The following STK32B variants were observed in gnomAD, a reference collection of about 807,000 sequenced individuals.
The protein encoded by STK32B is serine/threonine-protein kinase 32B.
In STK32B, 43 loss-of-function variants were observed where a neutral mutation model predicts 52.6. That is an observed-to-expected ratio of 0.82 (90% CI 0.64 to 1.05). The LOEUF (loss-of-function observed/expected upper bound fraction) is 1.05. Among genes scored for constraint, STK32B ranks in the 50% least tolerant of loss-of-function variants. The probability of loss-of-function intolerance (pLI) is 0.00; values close to 1 mark genes in which losing one functional copy is unlikely to be tolerated. For synonymous variants in STK32B, 238 were observed against 204.3 expected, an observed-to-expected ratio of 1.17 and a Z score of -1.41; for missense variants, 621 against 534.6, an observed-to-expected ratio of 1.16 and a Z score of -1.59.
the STK32B span, among the ~76,000 whole-genome samples, chr4:5,037,715 G>A: frequency 3.9e-5 from 6 of 152,194 alleles, no homozygotes; most frequent in Non-Finnish European, 8.8e-5. Flanking sequence ...TCTAGATAGT[G>A]GCTCTGGGGA....
chr4:5,253,885 G>A (rs1437383637), intron 3 of STK32B, among the ~76,000 whole-genome samples: 2 of 152,230 alleles, frequency 1.3e-5, no homozygotes, highest in Admixed American at 6.5e-5. Context: ...AATAATGTAT[G>A]TAAAGTGCCA....
At chr4:5,281,153 A>AACTC (rs76907848) in intron 3 of STK32B, among the ~76,000 whole-genome samples, 20,266 of 151,828 alleles carry the variant, frequency 0.13, 3,090 homozygotes, top group African/African-American at 0.37. Context: ...ATCTCATGAG[A>AACTC]ACTCACTATC....
chr4:5,153,467 CTT>C (rs199700770), intron 2 of STK32B, among the ~76,000 whole-genome samples: 5 of 142,264 alleles, frequency 3.5e-5, no homozygotes, highest in Admixed American at 7.0e-5. Context: ...TTTTTCTTTC[CTT>C]TTTTTTTTTT....
intron 7 of STK32B, among the ~76,000 whole-genome samples, chr4:5,450,403 C>G (rs1023797801): frequency 2.6e-4 from 39 of 151,806 alleles, no homozygotes; most frequent in African/African-American, 9.3e-4. Context: ...CTCAAAGTCT[C>G]TCTGACAGGT....
chr4:5,288,511 T>C (rs1319099562), intron 3 of STK32B, among the ~76,000 whole-genome samples: 1 of 152,118 alleles, frequency 6.6e-6, no homozygotes, highest in Non-Finnish European at 1.5e-5. Context: ...TTTTCATGGG[T>C]TTTTTGGTTA....
rs545594801 is a variant in STK32B at position 5,306,758 on chromosome 4, A to G, written c.261-24462A>G. ...CCTGTGACATTTATGCTTTAAGGAG[A>G]TTCCATTTTGGTGTATTTTGAGGAT... On this transcript the variant is annotated intron_variant, in intron 3 of 11. Coordinates refer to ENST00000282908, the MANE Select transcript of STK32B (RefSeq NM_018401.3). 2.6e-5 allele frequency among the ~76,000 whole-genome samples: 4 copies of G among 152,162 alleles called. No homozygotes were observed. In the South Asian group the frequency reaches 8.3e-4, roughly 32 times the overall value.
chr4:5,427,064 A>G (rs1713168123), intron 6 of STK32B: 1 of 152,222 alleles, frequency 6.6e-6, no homozygotes, highest in Admixed American at 6.5e-5. Context: ...AAGGTGAAGA[A>G]GTTCCCTTCT....
chr4:5,449,482 A>G (rs555892866), intron 7 of STK32B, among the ~76,000 whole-genome samples: 2 of 152,350 alleles, frequency 1.3e-5, no homozygotes, highest in East Asian at 3.9e-4. Flanking sequence ...GTTTCTCCTC[A>G]TGAGGAGCCA....
intron 3 of STK32B, among the ~76,000 whole-genome samples, chr4:5,301,668 T>C (rs1285892388): frequency 4.7e-5 from 7 of 150,284 alleles, no homozygotes; most frequent in Non-Finnish European, 5.9e-5. Flanking sequence ...TTCTTTCTTT[T>C]TTTTTTTTTT....
At chr4:5,408,326 TC>T (rs1482232015) in intron 5 of STK32B, among the ~76,000 whole-genome samples, 1 of 151,970 alleles carries the variant, frequency 6.6e-6, no homozygotes, top group Non-Finnish European at 1.5e-5. Flanking sequence ...ATGACTGAGT[TC>T]TTGTGAGCTC....
rs1300923893 is a variant in STK32B at position 5,500,679 on chromosome 4, A to AGTC, written c.*1597_*1599dup. On this transcript the variant is annotated 3_prime_UTR_variant, in exon 12 of 12. Transcript: ENST00000282908. ...TATTTTTATTTTTTAAAAAAGAAAT[A>AGTC]GTCAGTGTTTTCCTCCTTTCAACCG... 6.6e-6 allele frequency: 1 copy of AGTC among 151,156 alleles called. No individual in the cohort carries two copies. The highest frequency in any genetic ancestry group is 1.9e-4 in the East Asian group (1 of 5,200). 9.4% of individuals were successfully genotyped at this position (151,156 alleles called of 1,614,324 possible). A position where few individuals can be genotyped will look rare whatever the true frequency, so the allele number is the denominator to read the frequency against.
intron 2 of STK32B, among the ~76,000 whole-genome samples, chr4:5,166,329 C>G (rs1560191468): frequency 6.6e-6 from 1 of 151,622 alleles, no homozygotes. Context: ...GCCTCACTTT[C>G]CTCTCTCTGT....
chr4:5,095,814 C>T (rs971777937), intron 1 of STK32B, among the ~76,000 whole-genome samples: 14 of 152,018 alleles, frequency 9.2e-5, no homozygotes, highest in Non-Finnish European at 1.6e-4. Flanking sequence ...GCAACATACG[C>T]GATGTGTTTC....
intron 4 of STK32B, among the ~76,000 whole-genome samples, chr4:5,397,986 T>C (rs950844821): frequency 6.6e-6 from 1 of 152,230 alleles, no homozygotes; most frequent in Non-Finnish European, 1.5e-5. Flanking sequence ...GGAAAAAATA[T>C]TCAAACAATC....
At chr4:5,154,130 A>G (rs1205245728) in intron 2 of STK32B, among the ~76,000 whole-genome samples, 1 of 152,176 alleles carries the variant, frequency 6.6e-6, no homozygotes, top group African/African-American at 2.4e-5. Flanking sequence ...TTATTGATGA[A>G]AGAATAAGCA....
At chr4:5,330,128 C>G (rs1732134648) in intron 3 of STK32B, among the ~76,000 whole-genome samples, 2 of 152,206 alleles carry the variant, frequency 1.3e-5, no homozygotes, top group East Asian at 3.9e-4. Flanking sequence ...CTTCTTCCCT[C>G]TGGGCCTCAG....
Position 5,375,386 on chromosome 4 carries a change from G to A in STK32B, c.435-22821G>A, listed in dbSNP as rs554594889. Among the ~76,000 whole-genome samples, 257 of 152,276 alleles carry A rather than the reference G, an allele frequency of 1.7e-3. 1 individual carries two copies. Among genetic ancestry groups the A allele is most frequent in the African/African-American group, 5.1e-3 (210 of 41,536 alleles). ...GCCCCAAACTCCAATAATTTGGATA[G>A]TAGACTTGTTGATAAATCTGCTATT... is the stretch of plus-strand genomic sequence containing the variant. On this transcript the variant is annotated intron_variant, in intron 4 of 11. Transcript: ENST00000282908.
intron 3 of STK32B, among the ~76,000 whole-genome samples, chr4:5,268,062 G>C (rs1281595974): frequency 6.6e-6 from 1 of 152,202 alleles, no homozygotes; most frequent in African/African-American, 2.4e-5. Flanking sequence ...CTGCTTGCCA[G>C]CAGCCTGTGG....
At chr4:5,307,374 T>G (rs58438378) in intron 3 of STK32B, among the ~76,000 whole-genome samples, 2,063 of 152,242 alleles carry the variant, frequency 0.014, 28 homozygotes, top group East Asian at 0.071. Flanking sequence ...TGGTTTAATT[T>G]GAAAACCTTG....
Sources: gnomAD v4.1 joint callset for allele counts (sites outside exome capture counted in the v4.1 genomes callset) on GRCh38, gnomAD v4.1.1 for gene constraint, MANE v1.5 for transcripts, NCBI Gene and HGNC (gene_info 2026-07-23, HGNC 2026-07-21) for gene names.